TRIP12: variants seen among roughly 807,000 people sequenced by gnomAD.
TRIP12 encodes the protein E3 ubiquitin-protein ligase TRIP12.
In TRIP12, 25 loss-of-function variants were observed where a neutral mutation model predicts 244.2. The ratio of observed to expected loss-of-function variants is 0.10; its 90% CI spans 0.07 to 0.14. The LOEUF is 0.14. Ranked by LOEUF, TRIP12 falls within the 10% of genes least tolerant of loss-of-function variation. TRIP12 has a pLI of 1.00. For missense variants in TRIP12, 1,677 were observed against 2,486.4 expected (o/e 0.67, Z 6.92); for synonymous variants, 905 against 873.1 (o/e 1.04, Z -0.64).
In TRIP12 at chr2:229,793,013, C is replaced by T. The variant is rs753885592; in HGVS notation, c.4101G>A (p.Leu1367=). 6.2e-7 allele frequency: 1 copy of T among 1,613,816 alleles called. No individual in the cohort carries two copies. Among genetic ancestry groups the T allele is most frequent in the Non-Finnish European group, 8.5e-7 (1 of 1,179,864 alleles). The stretch of plus-strand genomic sequence containing the variant: ...ATCTCTCGATGGCTTGTACCAAAGC[C>T]AGAGGGTCAATCTTGACAGGTCCAC... ...WKGGPVKIDP[L]ALVQAIERYL... Residue 1367 remains leucine (L), a synonymous_variant, in exon 27 of 42, where the codon CTG becomes CTA. Coordinates refer to ENST00000675903, the MANE Select transcript of TRIP12 (RefSeq NM_001348323.3).
rs2060097162 is a variant in TRIP12, at chr2:229,859,230, T to C, written c.569A>G (p.Lys190Arg). The change falls in exon 4 of 42, where the codon AAA (lysine) becomes AGA (arginine). Residue 190 changes from lysine (K) to arginine (R), a missense_variant. Lys to Arg is a conservative substitution (Grantham distance 26, BLOSUM62 2). Coordinates refer to ENST00000675903, the MANE Select transcript of TRIP12 (RefSeq NM_001348323.3). ...ACAAGAACTCTCTGTCCTTTTTCTTTTCTGACTCCGTGAACCGCCAGTGGC... is the reference window on the plus strand; with the variant it reads ...ACAAGAACTCTCTGTCCTTTTTCTTCTCTGACTCCGTGAACCGCCAGTGGC... ...SGATGGSRSQ[K>R]RKRTESSCVK... The C allele has an allele frequency of 6.2e-7, 1 of 1,614,214 alleles. No homozygotes were observed. Among genetic ancestry groups the C allele is most frequent in the African/African-American group, 1.3e-5 (1 of 75,064 alleles).
rs574600501 is a variant in TRIP12, at chr2:229,830,810, T to C, written c.1300A>G (p.Met434Val). 3.1e-6 allele frequency: 5 copies of C among 1,614,148 alleles called. No individual in the cohort carries two copies. In the South Asian group the frequency reaches 3.3e-5, roughly 11 times the overall value. The change falls in exon 7 of 42, where the codon ATG becomes GTG. Residue 434 changes from methionine to valine, a missense_variant. Coordinates refer to ENST00000675903, the MANE Select transcript of TRIP12 (RefSeq NM_001348323.3). ...GATTCACTCTCCCCAGAGGTGGTCATGCCAACAGCCCCTGCAACAGAACTA... is the reference window on the plus strand; with the variant it reads ...GATTCACTCTCCCCAGAGGTGGTCACGCCAACAGCCCCTGCAACAGAACTA... ...ASSSVAGAVGMTTSGESESDD... is the reference protein window; with the variant it reads ...ASSSVAGAVGVTTSGESESDD...
At chr2:229,922,902 G>A (rs956673893), upstream of TRIP12, among the ~76,000 whole-genome samples, 1 of 152,198 alleles carries the variant, frequency 6.6e-6, no homozygotes, top group East Asian at 1.9e-4. Context: ...TCCTCCGCGC[G>A]AAGAGGAAAA....
chr2:229,870,932 G>A (rs927825305), intron 2 of TRIP12, among the ~76,000 whole-genome samples: 5 of 152,030 alleles, frequency 3.3e-5, no homozygotes, highest in African/African-American at 7.2e-5. Context: ...CTAGCACTAC[G>A]GGAGGCTGAG....
Position 229,802,320 on chromosome 2 carries a change from A to G in TRIP12, c.3138T>C (p.Ala1046=), listed in dbSNP as rs753984827. 6.2e-7 allele frequency: 1 copy of G among 1,613,664 alleles called. No homozygotes were observed. Residue 1046 remains alanine, a synonymous_variant, in exon 21 of 42, where the codon GCT becomes GCC. Coordinates refer to ENST00000675903, the MANE Select transcript of TRIP12 (RefSeq NM_001348323.3). ...AGCTGGGTGATCCCAAGTCAGCTGC[A>G]GCATGAGTGGCAGCTGTGGCTGTCC... ...SSGTATAATH[A]AADLGSPSLQ...
intron 2 of TRIP12, among the ~76,000 whole-genome samples, chr2:229,872,334 G>A (rs2062805015): frequency 6.6e-6 from 1 of 152,028 alleles, no homozygotes. Flanking sequence ...GAGGCCAAGA[G>A]GGGCAGATCA....
At chr2:229,890,873 T>G (rs1427943248) in intron 1 of TRIP12, among the ~76,000 whole-genome samples, 1 of 152,216 alleles carries the variant, frequency 6.6e-6, no homozygotes, top group Non-Finnish European at 1.5e-5. Flanking sequence ...CCAGAATACG[T>G]ACAAACCAGG....
intron 1 of TRIP12, among the ~76,000 whole-genome samples, chr2:229,884,672 C>T (rs1056326209): frequency 1.3e-5 from 2 of 152,112 alleles, no homozygotes; most frequent in African/African-American, 4.8e-5. Context: ...AAGAAATCAC[C>T]TGCAAAAAAA....
At chr2:229,816,538 G>C (rs2048543371) in intron 9 of TRIP12, among the ~76,000 whole-genome samples, 1 of 152,072 alleles carries the variant, frequency 6.6e-6, no homozygotes, top group South Asian at 2.1e-4. Context: ...GTGATGAAGA[G>C]ATATAAATAA....
At chr2:229,798,380 T>C (rs115876606) in intron 23 of TRIP12, among the ~76,000 whole-genome samples, 3,410 of 152,182 alleles carry the variant, frequency 0.022, 135 homozygotes, top group African/African-American at 0.078. Context: ...CATTTGGTCT[T>C]TTAAAATTTC....
intron 38 of TRIP12, among the ~76,000 whole-genome samples, chr2:229,773,041 A>C (rs753354432): frequency 6.6e-6 from 1 of 152,270 alleles, no homozygotes; most frequent in East Asian, 1.9e-4. Flanking sequence ...TCCTGAATTT[A>C]GCAAATATAG....
intron 4 of TRIP12, among the ~76,000 whole-genome samples, chr2:229,849,526 C>A (rs1365431892): frequency 1.3e-5 from 2 of 151,962 alleles, no homozygotes; most frequent in Non-Finnish European, 2.9e-5. Context: ...AAATAATCAG[C>A]CACAGAAAAG....
intron 4 of TRIP12, among the ~76,000 whole-genome samples, chr2:229,851,917 C>T (rs565596022): frequency 6.6e-6 from 1 of 152,308 alleles, no homozygotes; most frequent in South Asian, 2.1e-4. Context: ...GTCAGTGAGA[C>T]CAAGAATCCA....
rs1367634297 is a variant in TRIP12 at position 229,792,004 on chromosome 2, T to C, written c.4277A>G (p.His1426Arg). 1.2e-6 allele frequency: 2 copies of C among 1,614,128 alleles called. No individual in the cohort carries two copies. The highest frequency in any genetic ancestry group is 1.6e-4 in the Middle Eastern group (1 of 6,062). Reference protein sequence around the residue: ...RHRLQFYIGEHLLPYNMTVYQ... With the variant: ...RHRLQFYIGERLLPYNMTVYQ... ...CACAGTCATGTTATACGGCAGCAAATGTTCTCCAATATAAAACTGCAGCCT... is the reference window on the plus strand; with the variant it reads ...CACAGTCATGTTATACGGCAGCAAACGTTCTCCAATATAAAACTGCAGCCT... The change falls in exon 29 of 42, where the codon CAT (histidine) becomes CGT (arginine). Residue 1426 changes from histidine (H) to arginine (R), a missense_variant. By Grantham distance (29) the His-to-Arg change is conservative. Transcript: ENST00000675903.
intron 1 of TRIP12, among the ~76,000 whole-genome samples, chr2:229,907,635 T>A (rs971607690): frequency 3.3e-4 from 50 of 152,242 alleles, no homozygotes; most frequent in African/African-American, 1.2e-3. Flanking sequence ...CAAGATTTCA[T>A]CTCTACAATA....
chr2:229,904,453 A>G (rs1458356659), intron 1 of TRIP12, among the ~76,000 whole-genome samples: 3 of 152,066 alleles, frequency 2.0e-5, no homozygotes, highest in African/African-American at 7.2e-5. Flanking sequence ...AATCTGACAA[A>G]AAGGGAAAGA....
chr2:229,863,115 G>A (rs1486361049), intron 2 of TRIP12, among the ~76,000 whole-genome samples: 1 of 151,802 alleles, frequency 6.6e-6, no homozygotes, highest in Non-Finnish European at 1.5e-5. Flanking sequence ...TGTAGTCTCA[G>A]CTACTTGGGA....
intron 4 of TRIP12, among the ~76,000 whole-genome samples, chr2:229,844,957 T>C (rs939716665): frequency 6.6e-6 from 1 of 152,174 alleles, no homozygotes; most frequent in Non-Finnish European, 1.5e-5. Context: ...TCCAACACAT[T>C]TCTACTATTA....
chr2:229,888,860 AG>A (rs1316108981), intron 1 of TRIP12, among the ~76,000 whole-genome samples: 1 of 152,074 alleles, frequency 6.6e-6, no homozygotes, highest in Non-Finnish European at 1.5e-5. Context: ...GGGGAAGGAG[AG>A]GGTATAAGGT....
Sources: gnomAD v4.1 joint callset for allele counts (sites outside exome capture counted in the v4.1 genomes callset) on GRCh38, gnomAD v4.1.1 for gene constraint, MANE v1.5 for transcripts, NCBI Gene and HGNC (gene_info 2026-07-23, HGNC 2026-07-21) for gene names.